Variants in VRK3 observed in about 807,000 individuals in gnomAD.
VRK3 encodes the protein VRK serine/threonine kinase 3.
A neutral mutation model predicts 60.4 loss-of-function variants in VRK3; 50 were observed. The ratio of observed to expected loss-of-function variants is 0.83; its 90% CI spans 0.66 to 1.05. VRK3 has a LOEUF of 1.05. VRK3 is among the 50% of genes least tolerant of loss of function. VRK3 has a pLI of 0.00. For synonymous variants in VRK3, 246 were observed against 227.8 expected, an observed-to-expected ratio of 1.08 and a Z score of -0.72; for missense variants, 549 against 585.3, an observed-to-expected ratio of 0.94 and a Z score of 0.64.
At chr19:49,994,664 T>C (rs748397852) in intron 9 of VRK3, 150 bp downstream of exon 9, 17 of 723,946 alleles carry the variant, frequency 2.3e-5, no homozygotes, top group Non-Finnish European at 3.6e-5. Flanking sequence ...ATCTCGGCTC[T>C]AACCGCCTGC....
At chr19:50,014,214 C>T (rs1000053675) in intron 3 of VRK3, among the ~76,000 whole-genome samples, 2 of 152,050 alleles carry the variant, frequency 1.3e-5, no homozygotes, top group Admixed American at 6.6e-5. Flanking sequence ...TTGCAGTGAG[C>T]TGAGATTGGG....
At chr19:50,016,303 T>G in intron 2 of VRK3, 140 bp from the exon 3 acceptor site, 1 of 1,114,706 alleles carries the variant, frequency 9.0e-7, no homozygotes, top group South Asian at 1.5e-5. Flanking sequence ...GTTCACTTCT[T>G]AAAACATGCA....
chr19:49,995,553 GACAGGGTTACTTCCGAATTC>G (rs2122168338), intron 7 of VRK3, among the ~76,000 whole-genome samples: 1 of 152,296 alleles, frequency 6.6e-6, no homozygotes, highest in Non-Finnish European at 1.5e-5. Flanking sequence ...ATGGGATAAT[GACAGGGTTACTTCCGAATTC>G]ACACATAGAG....
chr19:50,010,883 A>T (rs1397351639), intron 3 of VRK3, among the ~76,000 whole-genome samples: 1 of 152,254 alleles, frequency 6.6e-6, no homozygotes, highest in East Asian at 1.9e-4. Flanking sequence ...ACTGCACTCT[A>T]GCCTGGATGA....
rs57515835 is a variant in VRK3, at chr19:50,015,959, G to A, written c.139+65C>T. 0.01 allele frequency: 16,637 copies of A among 1,602,302 alleles called. 1,388 individuals carry two copies. In the African/African-American group the frequency reaches 0.19, roughly 18 times the overall value. ...CAGGCTGCAAAGGCATCCTCCCTCC[G>A]CAGACACACACGTGTATGCACCTTA... On this transcript the variant is annotated intron_variant, in intron 3 of 14. Coordinates refer to ENST00000316763, the MANE Select transcript of VRK3 (RefSeq NM_016440.4).
intron 8 of VRK3, 58 bp downstream of exon 8, chr19:49,995,133 C>A: frequency 6.4e-7 from 1 of 1,570,674 alleles, no homozygotes; most frequent in South Asian, 1.1e-5. Context: ...TGCCTGGAGT[C>A]ACAACAGGAA....
At chr19:50,016,703 A>G (rs181176615) in intron 2 of VRK3, among the ~76,000 whole-genome samples, 2 of 152,348 alleles carry the variant, frequency 1.3e-5, no homozygotes, top group East Asian at 1.9e-4. Flanking sequence ...ATTACTCTCT[A>G]TGCTTTGCAT....
intron 9 of VRK3, 21 bp downstream of exon 9, chr19:49,994,793 G>A (rs1392514208): frequency 6.2e-7 from 1 of 1,606,030 alleles, no homozygotes. Context: ...CGCGGCAGCT[G>A]AGCAACTTCT....
At chr19:50,020,026 G>A (rs925348616) in intron 2 of VRK3, among the ~76,000 whole-genome samples, 8 of 151,132 alleles carry the variant, frequency 5.3e-5, no homozygotes, top group East Asian at 1.9e-4. Context: ...ACAGGTATGC[G>A]CTACCACACC....
intron 4 of VRK3, 52 bp from the exon 5 acceptor site, chr19:50,007,878 T>TA (rs2076925746): frequency 6.2e-7 from 1 of 1,605,260 alleles, no homozygotes; most frequent in Admixed American, 1.7e-5. Context: ...AGAGAAAAGT[T>TA]AGATGGGGAG....
rs376272902 is a variant in VRK3 at position 50,000,785 on chromosome 19, C to T, written c.612+5G>A. 5.6e-6 allele frequency: 9 copies of T among 1,612,462 alleles called. No individual in the cohort carries two copies. Among genetic ancestry groups the T allele is most frequent in the Non-Finnish European group, 7.6e-6 (9 of 1,179,288 alleles). ...AAGCTGCCCCCCACCTGCAGGGTCA[C>T]TTACCAGTTTGAGTGAGAACTTTTG... On this transcript the variant is annotated splice_donor_5th_base_variant and intron_variant, in intron 6 of 14. Transcript: ENST00000316763.
chr19:50,004,422 G>A (rs2076860136), intron 5 of VRK3, among the ~76,000 whole-genome samples: 1 of 151,856 alleles, frequency 6.6e-6, no homozygotes, highest in African/African-American at 2.4e-5. Flanking sequence ...CTTTCTCCCT[G>A]CCCTCTCCTT....
intron 10 of VRK3, 37 bp from the exon 11 acceptor site, chr19:49,989,808 T>G (rs1221303481): frequency 1.9e-6 from 3 of 1,558,580 alleles, no homozygotes; most frequent in Non-Finnish European, 2.6e-6. Flanking sequence ...GATTGGAGGT[T>G]AGGAGCGTAG....
At chr19:50,001,929 T>A (rs2076813890) in intron 5 of VRK3, among the ~76,000 whole-genome samples, 1 of 151,940 alleles carries the variant, frequency 6.6e-6, no homozygotes, top group Non-Finnish European at 1.5e-5. Flanking sequence ...AGCAAGAGTC[T>A]GCATCCCCCT....
At chr19:50,014,867 G>A (rs1053963889) in intron 3 of VRK3, among the ~76,000 whole-genome samples, 8 of 152,218 alleles carry the variant, frequency 5.3e-5, no homozygotes, top group Non-Finnish European at 8.8e-5. Flanking sequence ...GTGGCTGCGT[G>A]AAGACGACTA....
At chr19:50,004,410 C>T (rs77187281) in intron 5 of VRK3, among the ~76,000 whole-genome samples, 7,456 of 152,278 alleles carry the variant, frequency 0.049, 220 homozygotes, top group Middle Eastern at 0.1. Flanking sequence ...TCCCTTCTCG[C>T]TCTTTCTCCC....
intron 12 of VRK3, among the ~76,000 whole-genome samples, chr19:49,984,555 G>A (rs1171459347): frequency 6.6e-6 from 1 of 152,164 alleles, no homozygotes; most frequent in East Asian, 1.9e-4. Flanking sequence ...GCGTCTGCCC[G>A]ACCTCTGTGT....
chr19:49,994,923 G>A lies in VRK3; in HGVS notation c.765-4C>T. 2.5e-6 allele frequency: 4 copies of A among 1,613,542 alleles called. 1 individual carries two copies. The highest frequency in any genetic ancestry group is 2.2e-5 in the South Asian group (2 of 90,972). ...CAGGCTGGGTAACACCAAGAACCTG[G>A]AAGACACAAGCACCCCAGGAGGTGG... On this transcript the variant is annotated splice_region_variant and splice_polypyrimidine_tract_variant and intron_variant, in intron 8 of 14. Transcript: ENST00000316763.
intron 12 of VRK3, among the ~76,000 whole-genome samples, chr19:49,984,625 G>T (rs1299681191): frequency 6.6e-6 from 1 of 152,074 alleles, no homozygotes; most frequent in Non-Finnish European, 1.5e-5. Context: ...ATTCCACTAC[G>T]ATTTTTCTTT....
Sources: gnomAD v4.1 joint callset for allele counts (sites outside exome capture counted in the v4.1 genomes callset) on GRCh38, gnomAD v4.1.1 for gene constraint, MANE v1.5 for transcripts, NCBI Gene and HGNC (gene_info 2026-07-23, HGNC 2026-07-21) for gene names.